Variants in MGST3 observed in about 807,000 individuals in gnomAD.
The protein encoded by MGST3 is glutathione S-transferase 3, mitochondrial.
In MGST3, 13 loss-of-function variants were observed where a neutral mutation model predicts 15.8. The observed-to-expected ratio is 0.82, with a 90% CI of 0.54 to 1.31. The LOEUF (loss-of-function observed/expected upper bound fraction) is 1.31. MGST3 is among the 50% of genes most tolerant of loss of function. The pLI, the probability that MGST3 is intolerant of heterozygous loss-of-function variation, is 0.00. For missense variants in MGST3, 155 were observed against 192.4 expected, an observed-to-expected ratio of 0.81 and a Z score of 1.15; for synonymous variants, 49 against 68.1, an observed-to-expected ratio of 0.72 and a Z score of 1.38.
intron 5 of MGST3, among the ~76,000 whole-genome samples, chr1:165,654,668 G>A (rs1445648992): frequency 6.6e-6 from 1 of 152,112 alleles, no homozygotes; most frequent in Non-Finnish European, 1.5e-5. Context: ...TCCAGCCTGG[G>A]AGACAGAGCA....
At chr1:165,632,292 T>A (rs370254343) in intron 1 of MGST3, 39 of 1,612,088 alleles carry the variant, frequency 2.4e-5, no homozygotes, top group Admixed American at 1.8e-4. Flanking sequence ...CTGTTGGGCC[T>A]AGGTGTGGTC....
chr1:165,633,003 C>A (rs1647994723), intron 1 of MGST3, among the ~76,000 whole-genome samples: 2 of 152,228 alleles, frequency 1.3e-5, no homozygotes, highest in East Asian at 1.9e-4. Context: ...CTTAAATCTT[C>A]TGAATCTATA....
At chr1:165,632,440 A>ACAGGC (rs1647980574) in intron 1 of MGST3, among the ~76,000 whole-genome samples, 1 of 152,162 alleles carries the variant, frequency 6.6e-6, no homozygotes, top group Non-Finnish European at 1.5e-5. Context: ...GCTATATTTT[A>ACAGGC]TTTCAGTGAA....
intron 3 of MGST3, 25 bp from the exon 4 acceptor site, chr1:165,651,953 A>G (rs1341306197): frequency 1.3e-6 from 2 of 1,581,790 alleles, no homozygotes. Context: ...GGCACTTTTT[A>G]AAAGTTTCTT....
Position 165,654,546 on chromosome 1 carries a change from C to G in MGST3, c.322+195C>G, listed in dbSNP as rs892341464. On this transcript the variant is annotated intron_variant, in intron 5 of 5. Transcript: ENST00000367889. ...TCTCTACAAAAAATACAAAAATTAG[C>G]CGGATGTGGTGGTGCACACCTGTAG... is the stretch of plus-strand genomic sequence containing the variant. Among the ~76,000 whole-genome samples the G allele has an allele frequency of 4.6e-5, 7 of 152,048 alleles. No individual in the cohort carries two copies. In the South Asian group the frequency reaches 6.2e-4, roughly 13 times the overall value.
intron 3 of MGST3, chr1:165,651,303 T>C (rs1261601518): frequency 5.9e-5 from 35 of 588,350 alleles, no homozygotes; most frequent in Non-Finnish European, 9.5e-5. Flanking sequence ...GATATTCTTT[T>C]CAAAAAATGT....
At chr1:165,647,024 A>G (rs1346790681) in intron 1 of MGST3, 1 of 152,204 alleles carries the variant, frequency 6.6e-6, no homozygotes, top group Non-Finnish European at 1.5e-5. Context: ...CTGAGTATGC[A>G]TCCTCTGCAA....
In MGST3 at chr1:165,651,952, T is replaced by A; in HGVS notation, c.192-26T>A. On this transcript the variant is annotated intron_variant, in intron 3 of 5. Coordinates refer to ENST00000367889, the MANE Select transcript of MGST3 (RefSeq NM_004528.4). ...AGGCATACTTAAAAAGGGCACTTTTTAAAAGTTTCTTTCTGTCAATTCCAG... is the reference window on the plus strand; with the variant it reads ...AGGCATACTTAAAAAGGGCACTTTTAAAAAGTTTCTTTCTGTCAATTCCAG... 4.5e-6 allele frequency: 7 copies of A among 1,572,714 alleles called. No individual in the cohort carries two copies. The South Asian group carries it at 7.8e-5, about 17-fold the overall frequency.
intron 1 of MGST3, chr1:165,647,333 ACTTCT>A (rs2101721318): frequency 6.6e-6 from 1 of 152,318 alleles, no homozygotes; most frequent in East Asian, 1.9e-4. Context: ...TGCAAGAGGC[ACTTCT>A]CTTATCTTGC....
intron 1 of MGST3, among the ~76,000 whole-genome samples, chr1:165,644,976 G>T (rs1648358821): frequency 6.6e-6 from 1 of 152,060 alleles, no homozygotes; most frequent in South Asian, 2.1e-4. Context: ...GGCCAGGCTG[G>T]TTTTGAACTC....
chr1:165,652,668 C>T (rs1017037884), intron 4 of MGST3, among the ~76,000 whole-genome samples: 17 of 152,232 alleles, frequency 1.1e-4, no homozygotes, highest in African/African-American at 3.4e-4. Flanking sequence ...GCACGAGTTT[C>T]CCCAACCTCC....
intron 1 of MGST3, among the ~76,000 whole-genome samples, chr1:165,640,143 G>A (rs1462685979): frequency 6.6e-6 from 1 of 152,198 alleles, no homozygotes; most frequent in African/African-American, 2.4e-5. Flanking sequence ...GAGTGACCAT[G>A]ACCATGAAGT....
chr1:165,632,120 C>G, intron 1 of MGST3: 1 of 860,538 alleles, frequency 1.2e-6, no homozygotes, highest in Non-Finnish European at 1.9e-6. Context: ...AGTTTACAAG[C>G]TACATAATAG....
chr1:165,650,410 A>G (rs1648518642), intron 2 of MGST3: 1 of 238,626 alleles, frequency 4.2e-6, no homozygotes, highest in Non-Finnish European at 8.3e-6. Flanking sequence ...AAGGTGGTCT[A>G]TTAAACACTT....
In MGST3 at chr1:165,650,993, G is replaced by A. The variant is rs147298454; in HGVS notation, c.118-21G>A. 1.2e-4 allele frequency: 196 copies of A among 1,610,868 alleles called. No homozygotes were observed. In the African/African-American group the frequency reaches 2.3e-3, roughly 19 times the overall value. On this transcript the variant is annotated intron_variant, in intron 2 of 5. Transcript: ENST00000367889. The stretch of plus-strand genomic sequence containing the variant: ...AATGCTCCTCTTGACCATCTGATCA[G>A]TATGTGCTTTGTTGTGACAGTATCC...
intron 1 of MGST3, among the ~76,000 whole-genome samples, chr1:165,636,122 C>T (rs986853796): frequency 6.6e-6 from 1 of 152,132 alleles, no homozygotes; most frequent in African/African-American, 2.4e-5. Flanking sequence ...AAAATGTAGT[C>T]TGAACCCAAA....
chr1:165,654,364 T>C lies in MGST3; in HGVS notation c.322+13T>C. On this transcript the variant is annotated intron_variant, in intron 5 of 5. Transcript: ENST00000367889. ...TATTACACGGGAGGTTAGTATATATTGACATTTGCCAAGGAAACAACTTTA... is the reference window on the plus strand; with the variant it reads ...TATTACACGGGAGGTTAGTATATATCGACATTTGCCAAGGAAACAACTTTA... The C allele has an allele frequency of 6.2e-7, 1 of 1,612,196 alleles. No individual in the cohort carries two copies. The highest frequency in any genetic ancestry group is 8.5e-7 in the Non-Finnish European group (1 of 1,178,256).
chr1:165,654,062 C>T, intron 4 of MGST3: 1 of 547,328 alleles, frequency 1.8e-6, no homozygotes, highest in East Asian at 3.4e-5. Flanking sequence ...CAATACTCAT[C>T]TCCCAGGTCC....
intron 1 of MGST3, among the ~76,000 whole-genome samples, chr1:165,634,541 C>T (rs1021443854): frequency 6.6e-6 from 1 of 152,098 alleles, no homozygotes; most frequent in African/African-American, 2.4e-5. Context: ...ACTCTTTTCT[C>T]TCCTTCATAC....
Sources: gnomAD v4.1 joint callset for allele counts (sites outside exome capture counted in the v4.1 genomes callset) on GRCh38, gnomAD v4.1.1 for gene constraint, MANE v1.5 for transcripts, NCBI Gene and HGNC (gene_info 2026-07-23, HGNC 2026-07-21) for gene names.